MMP11: variants seen among roughly 807,000 people sequenced by gnomAD.
MMP11 encodes the protein stromelysin-3.
A neutral mutation model predicts 49.5 loss-of-function variants in MMP11; 26 were observed. That is an observed-to-expected ratio of 0.52 (90% CI 0.38 to 0.73). The LOEUF (loss-of-function observed/expected upper bound fraction) is 0.73, where lower values mean the gene tolerates loss of function less well. Among genes scored for constraint, MMP11 ranks in the 30% least tolerant of loss-of-function variants. MMP11 has a pLI of 0.00. For synonymous variants in MMP11, 265 were observed against 282.3 expected (o/e 0.94, Z 0.62); for missense variants, 624 against 671.2 (o/e 0.93, Z 0.78).
chr22:23,781,311 C>G lies in MMP11; in HGVS notation c.977C>G (p.Pro326Arg), dbSNP rs1927623746. Residue 326 changes from proline to arginine, a missense_variant, in exon 6 of 8, where the codon CCC (proline) becomes CGC (arginine). Transcript: ENST00000215743. Reference protein sequence around the residue: ...VWRLRGGQLQPGYPALASRHW... With the variant: ...VWRLRGGQLQRGYPALASRHW... ...CGCCTCCGTGGGGGCCAGCTGCAGC[C>G]CGGCTACCCAGCATTGGCCTCTCGC... 1.9e-6 allele frequency: 3 copies of G among 1,613,040 alleles called. No homozygotes were observed. Among genetic ancestry groups the G allele is most frequent in the Non-Finnish European group, 2.5e-6 (3 of 1,179,994 alleles).
At chr22:23,781,135 G>T (rs778610401) in intron 5 of MMP11, 35 bp downstream of exon 5, 2 of 1,606,534 alleles carry the variant, frequency 1.2e-6, no homozygotes, top group African/African-American at 2.7e-5. Context: ...CTACTCCTCT[G>T]CTGGCCACTG....
chr22:23,783,360 G>A (rs1927711809), intron 7 of MMP11, 51 bp from the exon 8 acceptor site: 2 of 1,605,438 alleles, frequency 1.2e-6, no homozygotes, highest in Non-Finnish European at 1.7e-6. Flanking sequence ...TGACAGGCAG[G>A]AGTAGGGCCC....
intron 7 of MMP11, 169 bp downstream of exon 7, chr22:23,782,652 C>T: frequency 2.4e-6 from 2 of 824,396 alleles, no homozygotes. Flanking sequence ...TGCTACATTC[C>T]ATATTGCAGA....
Position 23,782,344 on chromosome 22 carries a change from C to T in MMP11, c.1194C>T (p.Asn398=). The part of the protein sequence containing the change: ...HAALVWGPEK[N]KIYFFRGRDY... ...CCTTGGTCTGGGGTCCCGAGAAGAA[C>T]AAGATCTACTTCTTCCGAGGCAGGG... is the stretch of plus-strand genomic sequence containing the variant. Residue 398 remains asparagine (N), a synonymous_variant, in exon 7 of 8, where the codon AAC becomes AAT. Coordinates refer to ENST00000215743, the MANE Select transcript of MMP11 (RefSeq NM_005940.5). The T allele has an allele frequency of 1.9e-6, 3 of 1,614,062 alleles. No individual in the cohort carries two copies. Among genetic ancestry groups the T allele is most frequent in the Middle Eastern group, 1.6e-4 (1 of 6,062 alleles).
Position 23,783,696 on chromosome 22 carries a change from C to G in MMP11, c.*152C>G. On this transcript the variant is annotated 3_prime_UTR_variant, in exon 8 of 8. Coordinates refer to ENST00000215743, the MANE Select transcript of MMP11 (RefSeq NM_005940.5). ...ATGGGGTGGGGTACAACCACCATGA[C>G]AACTGCCGGGAGGGCCACGCAGGTC... is the stretch of plus-strand genomic sequence containing the variant. The G allele has an allele frequency of 1.8e-6, 2 of 1,094,646 alleles. No homozygotes were observed. Among genetic ancestry groups the G allele is most frequent in the Non-Finnish European group, 1.3e-6 (1 of 757,618 alleles). The allele number at this position is 1,094,646 out of a possible 1,614,324, so 67.8% of individuals were successfully genotyped here. A position where few individuals can be genotyped will look rare whatever the true frequency, so the allele number is the denominator to read the frequency against.
chr22:23,780,540 C>G lies in MMP11; in HGVS notation c.482+38C>G, dbSNP rs781273444. The G allele has an allele frequency of 6.2e-7, 1 of 1,612,184 alleles. No individual in the cohort carries two copies. The highest frequency in any genetic ancestry group is 8.5e-7 in the Non-Finnish European group (1 of 1,179,232). On this transcript the variant is annotated intron_variant, in intron 3 of 7. Transcript: ENST00000215743. The surrounding 1 kb of genome is among the most constrained non-coding windows in gnomAD (Gnocchi z 4.6). ...CCTGGGACCCCTCCGGGAACAGCCT[C>G]GCCTGCCAGCAGCCACTGACCCCGC... is the stretch of plus-strand genomic sequence containing the variant.
rs764598466 is a variant in MMP11 at position 23,779,385 on chromosome 22, G to T, written c.307G>T (p.Gly103Trp). The T allele has an allele frequency of 6.2e-7, 1 of 1,612,630 alleles. No individual in the cohort carries two copies. The highest frequency in any genetic ancestry group is 8.5e-7 in the Non-Finnish European group (1 of 1,179,794). The change falls in exon 2 of 8, where the codon GGG becomes TGG. Residue 103 changes from glycine to tryptophan, a missense_variant. By Grantham distance (184) the Gly-to-Trp change is radical. Coordinates refer to ENST00000215743, the MANE Select transcript of MMP11 (RefSeq NM_005940.5). ...NRQKRFVLSG[G>W]RWEKTDLTYR... ...ACAGAAGAGGTTCGTGCTTTCTGGC[G>T]GGCGCTGGGAGAAGACGGACCTCAC...
chr22:23,781,089 G>A lies in MMP11; in HGVS notation c.847G>A (p.Ala283Thr), dbSNP rs566057321. ...GGCTGGGATAGACACCAATGAGATT[G>A]CACCGCTGGAGGTGAGGCCCTGCCT... ...PQAGIDTNEI[A>T]PLEPDAPPDA... The change falls in exon 5 of 8, where the codon GCA (alanine) becomes ACA (threonine). Residue 283 changes from alanine (A) to threonine (T), a missense_variant. By Grantham distance (58) the Ala-to-Thr change is moderately conservative. Transcript: ENST00000215743. 1 of 1,608,098 alleles carries A rather than the reference G, an allele frequency of 6.2e-7. No individual in the cohort carries two copies. Among genetic ancestry groups the A allele is most frequent in the Admixed American group, 1.7e-5 (1 of 60,004 alleles).
At chr22:23,775,878 T>C (rs920021169) in intron 1 of MMP11, among the ~76,000 whole-genome samples, 1 of 152,010 alleles carries the variant, frequency 6.6e-6, no homozygotes, top group African/African-American at 2.4e-5. Context: ...AGGTAAGAGG[T>C]GCTTTTCTGT....
rs554839333 is a variant in MMP11 at position 23,783,961 on chromosome 22, C to T, written c.*417C>T. ...AAGCAAGGGTGCTGGGGCCCCATGGCCTTCAGCCCTGGCTGAGCAACTGGG... is the reference window on the plus strand; with the variant it reads ...AAGCAAGGGTGCTGGGGCCCCATGGTCTTCAGCCCTGGCTGAGCAACTGGG... On this transcript the variant is annotated 3_prime_UTR_variant, in exon 8 of 8. Coordinates refer to ENST00000215743, the MANE Select transcript of MMP11 (RefSeq NM_005940.5). 1 of 191,504 alleles carries T rather than the reference C, an allele frequency of 5.2e-6. No individual in the cohort carries two copies. Among genetic ancestry groups the T allele is most frequent in the African/African-American group, 2.3e-5 (1 of 44,124 alleles). The allele number at this position is 191,504 out of a possible 1,614,324, so 11.9% of individuals were successfully genotyped here. A position where few individuals can be genotyped will look rare whatever the true frequency, so the allele number is the denominator to read the frequency against.
In MMP11 at chr22:23,780,713, A is replaced by G. The variant is rs1340016600; in HGVS notation, c.614A>G (p.Gln205Arg). ...YDETWTIGDD[Q>R]GTDLLQVAAH... ...GAGACCTGGACTATCGGGGATGACC[A>G]GGGTATGGGCTGGGGACCCATTTTC... The change falls in exon 4 of 8, where the codon CAG becomes CGG. Residue 205 changes from glutamine (Q) to arginine (R), a missense_variant and splice_region_variant. Gln to Arg is a conservative substitution (Grantham distance 43, BLOSUM62 1). Transcript: ENST00000215743. This position sits in a 1 kb window ranked among gnomAD's most constrained non-coding sequence, Gnocchi z 4.6. The G allele has an allele frequency of 6.4e-7, 1 of 1,551,358 alleles. No individual in the cohort carries two copies. Among genetic ancestry groups the G allele is most frequent in the Non-Finnish European group, 8.7e-7 (1 of 1,152,226 alleles).
In MMP11 at chr22:23,779,402, G is replaced by A. The variant is rs145797865; in HGVS notation, c.324G>A (p.Thr108=). Residue 108 remains threonine (T), a synonymous_variant, in exon 2 of 8, where the codon ACG becomes ACA. Coordinates refer to ENST00000215743, the MANE Select transcript of MMP11 (RefSeq NM_005940.5). ...TTTCTGGCGGGCGCTGGGAGAAGAC[G>A]GACCTCACCTACAGGTAGGGGCCTG... The part of the protein sequence containing the change: ...FVLSGGRWEK[T]DLTYRILRFP... 18 of 1,611,506 alleles carry A rather than the reference G, an allele frequency of 1.1e-5. No individual in the cohort carries two copies. The highest frequency in any genetic ancestry group is 4.0e-5 in the African/African-American group (3 of 74,916).
intron 6 of MMP11, chr22:23,781,789 G>A (rs1329467621): frequency 1.7e-6 from 1 of 590,546 alleles, no homozygotes; most frequent in Admixed American, 2.2e-5. Context: ...TCATCCTAGA[G>A]CTGGGATTTC....
Position 23,783,460 on chromosome 22 carries a change from G to A in MMP11, c.1383G>A (p.Val461=). 1 of 1,614,194 alleles carries A rather than the reference G, an allele frequency of 6.2e-7. No individual in the cohort carries two copies. Among genetic ancestry groups the A allele is most frequent in the Non-Finnish European group, 8.5e-7 (1 of 1,180,022 alleles). Residue 461 remains valine (V), a synonymous_variant, in exon 8 of 8, where the codon GTG becomes GTA. Transcript: ENST00000215743. ...GCCTCTACTGGAAGTTTGACCCTGT[G>A]AAGGTGAAGGCTCTGGAAGGCTTCC... The part of the protein sequence containing the change: ...RGRLYWKFDP[V]KVKALEGFPR...
At chr22:23,782,172 C>T (rs939555392) in intron 6 of MMP11, 54 bp from the exon 7 acceptor site, 11 of 1,578,132 alleles carry the variant, frequency 7.0e-6, no homozygotes, top group African/African-American at 2.7e-5. Context: ...TCCACAGTGG[C>T]GGGGCATGGC....
chr22:23,779,681 G>A (rs28363655), intron 2 of MMP11: 9,890 of 538,850 alleles, frequency 0.018, 722 homozygotes, highest in African/African-American at 0.16. Context: ...GCCTGCGGAC[G>A]GGTGTTCAGT....
In MMP11 at chr22:23,780,257, G is replaced by C. The variant is rs28363658; in HGVS notation, c.339-102G>C. 0.011 allele frequency: 15,656 copies of C among 1,457,820 alleles called. 518 individuals carry two copies. Among genetic ancestry groups the C allele is most frequent in the South Asian group, 0.097 (7,911 of 81,542 alleles). 90.3% of individuals were successfully genotyped at this position (1,457,820 alleles called of 1,614,324 possible). On this transcript the variant is annotated intron_variant, in intron 2 of 7. Transcript: ENST00000215743. This position sits in a 1 kb window ranked among gnomAD's most constrained non-coding sequence, Gnocchi z 4.6. ...CCAGAGTACACCTGGCCTGTGTCCT[G>C]AGTGTTCACACACCCACCAAGCATC... is the stretch of plus-strand genomic sequence containing the variant.
At chr22:23,774,744 A>G (rs1927351867) in intron 1 of MMP11, among the ~76,000 whole-genome samples, 1 of 152,048 alleles carries the variant, frequency 6.6e-6, no homozygotes, top group Non-Finnish European at 1.5e-5. Context: ...ATCAGAAGGC[A>G]TAGCTATGAT....
In MMP11 at chr22:23,783,702, C is replaced by T. The variant is rs1473189413; in HGVS notation, c.*158C>T. The stretch of plus-strand genomic sequence containing the variant: ...TGGGGTACAACCACCATGACAACTG[C>T]CGGGAGGGCCACGCAGGTCGTGGTC... On this transcript the variant is annotated 3_prime_UTR_variant, in exon 8 of 8. Coordinates refer to ENST00000215743, the MANE Select transcript of MMP11 (RefSeq NM_005940.5). The T allele has an allele frequency of 1.0e-6, 1 of 993,354 alleles. No homozygotes were observed. The highest frequency in any genetic ancestry group is 1.5e-6 in the Non-Finnish European group (1 of 670,508). The allele number at this position is 993,354 out of a possible 1,614,324, so 61.5% of individuals were successfully genotyped here.
Sources: allele counts gnomAD v4.1 joint callset (sites outside exome capture counted in the v4.1 genomes callset), GRCh38; gene constraint gnomAD v4.1.1; non-coding constraint Gnocchi (gnomAD v3.1); transcripts MANE v1.5; gene names NCBI Gene and HGNC (gene_info 2026-07-23, HGNC 2026-07-21).